The following JARID2 variants were observed in gnomAD, a reference collection of about 807,000 sequenced individuals.
JARID2 encodes jumonji and AT-rich interaction domain containing 2, also known as protein Jumonji.
JARID2 carries 21 observed loss-of-function variants against 125.6 expected under a neutral mutation model. The observed-to-expected ratio is 0.17, with a 90% CI of 0.12 to 0.24. The LOEUF (loss-of-function observed/expected upper bound fraction) is 0.24, where lower values mean the gene tolerates loss of function less well. Among genes scored for constraint, JARID2 ranks in the 10% least tolerant of loss-of-function variants. The pLI is 1.00. For missense variants in JARID2, 1,303 were observed against 1,639.6 expected (o/e 0.79, Z 3.55); for synonymous variants, 736 against 661.6 (o/e 1.11, Z -1.73).
At chr6:15,248,528 T>A (rs930592848) in intron 1 of JARID2, 1 of 147,760 alleles carries the variant, frequency 6.8e-6, no homozygotes, top group Non-Finnish European at 1.5e-5. Context: ...CGGCCGAGCA[T>A]GGCGGCGGCG....
rs1762338295 is a variant in JARID2, at chr6:15,321,036, A to G, written c.46-53081A>G. Among the ~76,000 whole-genome samples, 3 of 152,134 alleles carry G rather than the reference A, an allele frequency of 2.0e-5. No homozygotes were observed. The South Asian group carries it at 6.2e-4, about 31-fold the overall frequency. ...ATCATATGAATGATTTCATTATTAC[A>G]AGTAGTATTTTGCAGTAGTTAGTAT... is the stretch of plus-strand genomic sequence containing the variant. On this transcript the variant is annotated intron_variant, in intron 1 of 17. Coordinates refer to ENST00000341776, the MANE Select transcript of JARID2 (RefSeq NM_004973.4).
intron 3 of JARID2, among the ~76,000 whole-genome samples, chr6:15,425,938 A>G (rs1766706898): frequency 6.6e-6 from 1 of 152,142 alleles, no homozygotes; most frequent in South Asian, 2.1e-4. Flanking sequence ...CCCTTTTAGT[A>G]TTGTGCTTTT....
intron 6 of JARID2, among the ~76,000 whole-genome samples, chr6:15,490,950 A>G (rs944371685): frequency 1.3e-5 from 2 of 152,202 alleles, no homozygotes; most frequent in Non-Finnish European, 2.9e-5. Flanking sequence ...GAAAATGATC[A>G]ACTGGCTAAT....
At chr6:15,456,140 T>A (rs149267888) in intron 4 of JARID2, among the ~76,000 whole-genome samples, 66 of 152,342 alleles carry the variant, frequency 4.3e-4, no homozygotes, top group African/African-American at 1.5e-3. Flanking sequence ...TATGTGTGTT[T>A]GTGCTACATG....
intron 3 of JARID2, among the ~76,000 whole-genome samples, chr6:15,425,949 C>T (rs1310138562): frequency 6.6e-6 from 1 of 152,140 alleles, no homozygotes; most frequent in Non-Finnish European, 1.5e-5. Context: ...TTGTGCTTTT[C>T]TGGGTAAGTC....
chr6:15,329,853 A>G (rs1762650016), intron 1 of JARID2, among the ~76,000 whole-genome samples: 1 of 152,202 alleles, frequency 6.6e-6, no homozygotes, highest in Non-Finnish European at 1.5e-5. Context: ...GAATCTGGGC[A>G]GTGACTTTTG....
At chr6:15,255,323 T>C (rs932515409) in intron 1 of JARID2, among the ~76,000 whole-genome samples, 1 of 152,138 alleles carries the variant, frequency 6.6e-6, no homozygotes, top group Non-Finnish European at 1.5e-5. Context: ...CAGGATGGTC[T>C]CTATCTCTTG....
chr6:15,358,139 T>G (rs1472878648), intron 1 of JARID2, among the ~76,000 whole-genome samples: 1 of 152,216 alleles, frequency 6.6e-6, no homozygotes, highest in Non-Finnish European at 1.5e-5. Flanking sequence ...GGTCAGGGCT[T>G]TTGTAAGGTG....
Position 15,512,661 on chromosome 6 carries a change from G to T in JARID2, c.3136-254G>T, listed in dbSNP as rs547985768. On this transcript the variant is annotated intron_variant, in intron 14 of 17. Coordinates refer to ENST00000341776, the MANE Select transcript of JARID2 (RefSeq NM_004973.4). ...ACTGTTGAAGATGCTCAAGGTAATT[G>T]CTTAGAATGGACAGAGAACCTCCAC... 9.9e-5 allele frequency among the ~76,000 whole-genome samples: 15 copies of T among 152,242 alleles called. 1 individual carries two copies. The South Asian group carries it at 2.7e-3, about 27-fold the overall frequency.
rs889147176 is a variant in JARID2 at position 15,248,821 on chromosome 6, A to G, written c.45+2237A>G. 1.8e-3 allele frequency: 1,420 copies of G among 769,918 alleles called. 3 individuals carry two copies. Among genetic ancestry groups the G allele is most frequent in the Non-Finnish European group, 2.1e-3 (1,336 of 634,408 alleles). 47.7% of individuals were successfully genotyped at this position (769,918 alleles called of 1,614,324 possible). ...CGTCAAAAGTCGGGCGGGAGGCTCC[A>G]GGCGCGGCGGGGCGGCGGGGGGAGG... On this transcript the variant is annotated intron_variant, in intron 1 of 17. Transcript: ENST00000341776.
intron 3 of JARID2, among the ~76,000 whole-genome samples, chr6:15,432,437 T>A (rs530082307): frequency 1.6e-3 from 214 of 136,026 alleles, no homozygotes; most frequent in African/African-American, 5.7e-3. Context: ...CTCCAGCTAC[T>A]CTCACCTTCA....
intron 12 of JARID2, chr6:15,509,334 T>C: frequency 1.0e-6 from 1 of 985,422 alleles, no homozygotes; most frequent in Non-Finnish European, 1.2e-6. Flanking sequence ...AATGGGGTGA[T>C]TAAACATTCT....
At chr6:15,365,634 A>T (rs868830573) in intron 1 of JARID2, among the ~76,000 whole-genome samples, 123 of 146,980 alleles carry the variant, frequency 8.4e-4, no homozygotes, top group Admixed American at 2.3e-3. Flanking sequence ...TTTTTTTTTT[A>T]AATAGGCAGT....
Position 15,513,250 on chromosome 6 carries a change from T to C in JARID2, c.3278T>C (p.Leu1093Pro). The change falls in exon 16 of 18, where the codon CTG becomes CCG. Residue 1093 changes from leucine to proline, a missense_variant. By Grantham distance (98) the Leu-to-Pro change is moderately conservative. Around this residue, in one of 11 missense-constraint regions of JARID2, gnomAD observed 190 missense variants for 341.4 expected, o/e 0.56. Coordinates refer to ENST00000341776, the MANE Select transcript of JARID2 (RefSeq NM_004973.4). ...CCCGTGTCTGGCAGGGATACAGAGCTGCGGCAGCGCAGGCAGCTGTTCGAG... is the reference window on the plus strand; with the variant it reads ...CCCGTGTCTGGCAGGGATACAGAGCCGCGGCAGCGCAGGCAGCTGTTCGAG... ...ALLDELRDTELRQRRQLFEAG... is the reference protein window; with the variant it reads ...ALLDELRDTEPRQRRQLFEAG... 1 of 1,569,684 alleles carries C rather than the reference T, an allele frequency of 6.4e-7. No individual in the cohort carries two copies. Among genetic ancestry groups the C allele is most frequent in the Non-Finnish European group, 8.6e-7 (1 of 1,156,162 alleles).
At chr6:15,268,913 C>T (rs1279596964) in intron 1 of JARID2, among the ~76,000 whole-genome samples, 3 of 152,154 alleles carry the variant, frequency 2.0e-5, no homozygotes, top group African/African-American at 4.8e-5. Flanking sequence ...CAAGGAAGTT[C>T]GGGGCTCTAA....
chr6:15,311,523 AGCCGAGATCGC>A (rs1762011033), intron 1 of JARID2, among the ~76,000 whole-genome samples: 1 of 152,214 alleles, frequency 6.6e-6, no homozygotes, highest in Non-Finnish European at 1.5e-5. Context: ...GTTTGCGGTG[AGCCGAGATCGC>A]GCCATTGTAC....
intron 1 of JARID2, among the ~76,000 whole-genome samples, chr6:15,341,024 G>A (rs1025327374): frequency 2.0e-5 from 3 of 152,132 alleles, no homozygotes; most frequent in African/African-American, 7.2e-5. Context: ...TTAAAAAGAA[G>A]TGAAACAAAA....
intron 1 of JARID2, among the ~76,000 whole-genome samples, chr6:15,276,768 G>A (rs2127365642): frequency 6.6e-6 from 1 of 152,286 alleles, no homozygotes; most frequent in Non-Finnish European, 1.5e-5. Context: ...GGTCCTTGGA[G>A]GAGAGGTCCA....
intron 1 of JARID2, among the ~76,000 whole-genome samples, chr6:15,363,086 G>A (rs1763856993): frequency 6.6e-6 from 1 of 152,148 alleles, no homozygotes; most frequent in Admixed American, 6.5e-5. Context: ...TGAAGGTGGT[G>A]GAGGTGATGA....
Sources: allele counts gnomAD v4.1 joint callset (sites outside exome capture counted in the v4.1 genomes callset), GRCh38; gene constraint gnomAD v4.1.1; regional missense constraint gnomAD v4.1.1; transcripts MANE v1.5; gene names NCBI Gene and HGNC (gene_info 2026-07-23, HGNC 2026-07-21).